Variants in ASAP1 observed in about 807,000 individuals in gnomAD.
ASAP1 encodes arf-GAP with SH3 domain, ANK repeat and PH domain-containing protein 1.
Under a neutral mutation model 145.2 loss-of-function variants are expected in ASAP1, and 43 were observed. The ratio of observed to expected loss-of-function variants is 0.30; its 90% confidence interval spans 0.23 to 0.38. The LOEUF (loss-of-function observed/expected upper bound fraction) is 0.38, where lower values mean the gene tolerates loss of function less well. Among genes scored for constraint, ASAP1 ranks in the 10% least tolerant of loss-of-function variants. The pLI is 1.00. For synonymous variants in ASAP1, 546 were observed against 515.5 expected (o/e 1.06, Z -0.80); for missense variants, 1,018 against 1,355.3 (o/e 0.75, Z 3.91).
At chr8:130,069,770 A>C (rs576158210) in intron 27 of ASAP1, 1 of 152,346 alleles carries the variant, frequency 6.6e-6, no homozygotes, top group African/African-American at 2.4e-5. Context: ...AGAAATTTTA[A>C]AAGTTGCAAG....
intron 3 of ASAP1, among the ~76,000 whole-genome samples, chr8:130,300,699 C>CA (rs1822608177): frequency 1.3e-5 from 2 of 152,194 alleles, no homozygotes; most frequent in African/African-American, 4.8e-5. Context: ...CAGAAAGCTG[C>CA]ACATTAATTT....
At chr8:130,191,999 C>T (rs980450515) in intron 5 of ASAP1, among the ~76,000 whole-genome samples, 5 of 151,974 alleles carry the variant, frequency 3.3e-5, no homozygotes, top group African/African-American at 1.2e-4. Flanking sequence ...GGAAGGTTTC[C>T]CAATGTGTGT....
chr8:130,201,084 G>C (rs1269216316), intron 5 of ASAP1, among the ~76,000 whole-genome samples: 1 of 152,128 alleles, frequency 6.6e-6, no homozygotes, highest in Non-Finnish European at 1.5e-5. Context: ...TCCAAGAGTG[G>C]GTCCCAGCAA....
chr8:130,191,517 T>C (rs1261558162), intron 5 of ASAP1, among the ~76,000 whole-genome samples: 3 of 151,468 alleles, frequency 2.0e-5, no homozygotes, highest in Admixed American at 6.6e-5. Flanking sequence ...TGTTCCTACC[T>C]GTGGAGAGCT....
intron 24 of ASAP1, among the ~76,000 whole-genome samples, chr8:130,099,030 T>TTTTG (rs2097524013): frequency 6.7e-6 from 1 of 150,320 alleles, no homozygotes; most frequent in African/African-American, 2.5e-5. Flanking sequence ...TTTTTTTTTT[T>TTTTG]GAGACAGTCT....
chr8:130,310,850 A>G (rs1823297661), intron 3 of ASAP1, among the ~76,000 whole-genome samples: 1 of 152,220 alleles, frequency 6.6e-6, no homozygotes, highest in African/African-American at 2.4e-5. Context: ...TTTGAGCTTT[A>G]CTATAAATAA....
At chr8:130,388,899 A>G (rs957373009) in intron 2 of ASAP1, among the ~76,000 whole-genome samples, 2 of 152,234 alleles carry the variant, frequency 1.3e-5, no homozygotes, top group East Asian at 1.9e-4. Context: ...CTCCAGGGCC[A>G]GACTCCCTGC....
chr8:130,216,314 C>T (rs1416601669), intron 4 of ASAP1, among the ~76,000 whole-genome samples: 1 of 152,236 alleles, frequency 6.6e-6, no homozygotes, highest in Non-Finnish European at 1.5e-5. Flanking sequence ...GAATTAGGTG[C>T]ACATGAGAAA....
chr8:130,129,281 TAATAG>T (rs1456948955), intron 15 of ASAP1, among the ~76,000 whole-genome samples: 1 of 152,226 alleles, frequency 6.6e-6, no homozygotes, highest in Admixed American at 6.5e-5. Flanking sequence ...GAGAACGGGC[TAATAG>T]AATGATATAA....
intron 3 of ASAP1, among the ~76,000 whole-genome samples, chr8:130,345,326 T>G (rs1222563397): frequency 6.6e-6 from 1 of 152,204 alleles, no homozygotes; most frequent in Non-Finnish European, 1.5e-5. Context: ...TACCATATTG[T>G]GACTGGCTGC....
Position 130,179,986 on chromosome 8 carries a change from T to TGA in ASAP1, c.661-639_661-638dup, listed in dbSNP as rs938653472. Reference sequence around the variant, plus strand: ...AAAAAAGAGAGAAAGAGAAAGAGAATGAGAGAGAGAGAGGTGAGAAAGAGA... The same window carrying TGA: ...AAAAAAGAGAGAAAGAGAAAGAGAATGAGAGAGAGAGAGAGGTGAGAAAGAGA... On this transcript the variant is annotated intron_variant, in intron 8 of 29. Coordinates refer to ENST00000518721, the MANE Select transcript of ASAP1 (RefSeq NM_018482.4). Among the ~76,000 whole-genome samples the TGA allele has an allele frequency of 1.1e-4, 12 of 110,398 alleles. No individual in the cohort carries two copies. The East Asian group carries it at 2.6e-3, about 24-fold the overall frequency. The allele number at this position is 110,398 out of a possible 152,430, so 72.4% of individuals were successfully genotyped here.
At chr8:130,271,139 C>G (rs1356090038) in intron 3 of ASAP1, among the ~76,000 whole-genome samples, 4 of 152,226 alleles carry the variant, frequency 2.6e-5, no homozygotes, top group South Asian at 2.1e-4. Context: ...AAATCCTTCT[C>G]ATTCCCAAGT....
chr8:130,359,161 G>T (rs1483051479), intron 2 of ASAP1, among the ~76,000 whole-genome samples: 2 of 152,168 alleles, frequency 1.3e-5, no homozygotes, highest in Non-Finnish European at 2.9e-5. Flanking sequence ...GAAGACGAAT[G>T]AAGGGTTTGG....
At chr8:130,093,602 G>A (rs2097510346) in intron 24 of ASAP1, among the ~76,000 whole-genome samples, 1 of 142,972 alleles carries the variant, frequency 7.0e-6, no homozygotes, top group African/African-American at 2.6e-5. Context: ...AGGAAGTGGC[G>A]GTTGCAATGA....
intron 24 of ASAP1, among the ~76,000 whole-genome samples, chr8:130,108,738 T>C (rs2097541582): frequency 6.7e-6 from 1 of 149,654 alleles, no homozygotes; most frequent in Non-Finnish European, 1.5e-5. Context: ...AAACTAATCT[T>C]GGCAAGCCTC....
chr8:130,386,663 G>A (rs1235279824), intron 2 of ASAP1: 3 of 152,230 alleles, frequency 2.0e-5, no homozygotes, highest in Non-Finnish European at 4.4e-5. Flanking sequence ...AGTTAGAAGC[G>A]GACTCACCTC....
chr8:130,398,404 T>C (rs1010807739), intron 2 of ASAP1, among the ~76,000 whole-genome samples: 1 of 152,064 alleles, frequency 6.6e-6, no homozygotes, highest in Non-Finnish European at 1.5e-5. Flanking sequence ...AAAATAATAA[T>C]GGTATAGTAG....
intron 6 of ASAP1, among the ~76,000 whole-genome samples, 156 bp from the exon 7 acceptor site, chr8:130,187,441 G>T: frequency 6.7e-6 from 1 of 149,758 alleles, no homozygotes; most frequent in Non-Finnish European, 1.5e-5. Flanking sequence ...TTTTTGACAG[G>T]GTCTCACTCT....
chr8:130,241,399 G>A (rs917228619), intron 3 of ASAP1, among the ~76,000 whole-genome samples: 1 of 152,076 alleles, frequency 6.6e-6, no homozygotes, highest in African/African-American at 2.4e-5. Flanking sequence ...AAGAATGGAA[G>A]TTCTATGAAA....
Sources: gnomAD v4.1 joint callset for allele counts (sites outside exome capture counted in the v4.1 genomes callset) on GRCh38, gnomAD v4.1.1 for gene constraint, MANE v1.5 for transcripts, NCBI Gene and HGNC (gene_info 2026-07-23, HGNC 2026-07-21) for gene names.